Variants in SLC39A14 observed in about 807,000 individuals in gnomAD.
SLC39A14 encodes solute carrier family 39 member 14.
Under a neutral mutation model 45.5 loss-of-function variants are expected in SLC39A14, and 19 were observed. The observed-to-expected ratio is 0.42, with a 90% CI of 0.29 to 0.61. The LOEUF (loss-of-function observed/expected upper bound fraction) is 0.61, where lower values mean the gene tolerates loss of function less well. SLC39A14 is among the 20% of genes least tolerant of loss of function. The pLI is 0.22. For synonymous variants in SLC39A14, 264 were observed against 251.3 expected, an observed-to-expected ratio of 1.05 and a Z score of -0.48; for missense variants, 447 against 616.5, an observed-to-expected ratio of 0.73 and a Z score of 2.91.
intron 2 of SLC39A14, among the ~76,000 whole-genome samples, chr8:22,407,517 C>T (rs1026493082): frequency 4.6e-5 from 7 of 151,812 alleles, no homozygotes; most frequent in East Asian, 1.9e-4. Flanking sequence ...TGAGCTACCA[C>T]GCCCGGCTAA....
At chr8:22,387,281 G>A (rs146769654) in intron 1 of SLC39A14, among the ~76,000 whole-genome samples, 3 of 152,020 alleles carry the variant, frequency 2.0e-5, no homozygotes, top group Non-Finnish European at 2.9e-5. Context: ...TTTTGGGTCC[G>A]CCCTGGTTTT....
Position 22,368,215 on chromosome 8 carries a change from G to A in SLC39A14, c.-16+807G>A, listed in dbSNP as rs546997438. Among the ~76,000 whole-genome samples the A allele has an allele frequency of 2.9e-3, 449 of 152,248 alleles. 9 individuals are homozygous for A. Among genetic ancestry groups the A allele is most frequent in the Non-Finnish European group, 6.8e-4 (46 of 68,020 alleles). On this transcript the variant is annotated intron_variant, in intron 1 of 8. Coordinates refer to ENST00000381237, the MANE Select transcript of SLC39A14 (RefSeq NM_001128431.4). ...GTGGCTAAGTGCTCTCTTGTGGCCCGAATGGAAGCGTGGGGTTAGGAGCAG... is the reference window on the plus strand; with the variant it reads ...GTGGCTAAGTGCTCTCTTGTGGCCCAAATGGAAGCGTGGGGTTAGGAGCAG...
rs1388381950 is a variant in SLC39A14, at chr8:22,409,742, T to C, written c.457+1246T>C. On this transcript the variant is annotated intron_variant, in intron 3 of 8. Coordinates refer to ENST00000381237, the MANE Select transcript of SLC39A14 (RefSeq NM_001128431.4). ...CATCCGTCTCTCCATGGAAAAGGTG[T>C]TTCTCTTGGATAGCAATTTTGATAG... is the stretch of plus-strand genomic sequence containing the variant. 5.9e-5 allele frequency among the ~76,000 whole-genome samples: 9 copies of C among 152,184 alleles called. 1 individual carries two copies. Among genetic ancestry groups the C allele is most frequent in the Non-Finnish European group, 8.8e-5 (6 of 68,040 alleles).
At chr8:22,385,680 A>G (rs1833755016) in intron 1 of SLC39A14, among the ~76,000 whole-genome samples, 1 of 152,194 alleles carries the variant, frequency 6.6e-6, no homozygotes, top group Admixed American at 6.5e-5. Flanking sequence ...AGTGGTCTAT[A>G]GACCAGGAAG....
At chr8:22,393,355 G>A (rs1302715934) in intron 1 of SLC39A14, 2 of 496,180 alleles carry the variant, frequency 4.0e-6, no homozygotes, top group African/African-American at 4.2e-5. Context: ...GTTTGCCTGA[G>A]TGAAGGTGTC....
At chr8:22,384,296 T>G (rs1436073673) in intron 1 of SLC39A14, among the ~76,000 whole-genome samples, 1 of 152,134 alleles carries the variant, frequency 6.6e-6, no homozygotes, top group Non-Finnish European at 1.5e-5. Flanking sequence ...TTTCTTCCTC[T>G]GCCACAGGGA....
In SLC39A14 at chr8:22,421,321, C is replaced by T. The variant is rs1452535680; in HGVS notation, c.*1623C>T. ...TTTGTTTTCTCTTCTTGGGAGACAT[C>T]TGTCAAACCAGGAATATTCTTGAAA... On this transcript the variant is annotated 3_prime_UTR_variant, in exon 9 of 9. Coordinates refer to ENST00000381237, the MANE Select transcript of SLC39A14 (RefSeq NM_001128431.4). The T allele has an allele frequency of 1.0e-6, 1 of 985,758 alleles. No individual in the cohort carries two copies. The highest frequency in any genetic ancestry group is 1.1e-4 in the East Asian group (1 of 8,834). 61.1% of individuals were successfully genotyped at this position (985,758 alleles called of 1,614,324 possible).
chr8:22,373,743 G>T (rs374837558), intron 1 of SLC39A14, among the ~76,000 whole-genome samples: 1 of 151,254 alleles, frequency 6.6e-6, no homozygotes, highest in East Asian at 1.9e-4. Context: ...TATTCTTCAG[G>T]GTTTTTTGTT....
At chr8:22,372,189 C>T (rs1832975314) in intron 1 of SLC39A14, among the ~76,000 whole-genome samples, 1 of 151,964 alleles carries the variant, frequency 6.6e-6, no homozygotes, top group Non-Finnish European at 1.5e-5. Context: ...AAATGTATTA[C>T]CTGTAATTTC....
At chr8:22,395,685 C>T (rs917108088) in intron 1 of SLC39A14, among the ~76,000 whole-genome samples, 1 of 152,122 alleles carries the variant, frequency 6.6e-6, no homozygotes, top group African/African-American at 2.4e-5. Context: ...ATAATCTCAT[C>T]TTTGAGCTCT....
intron 1 of SLC39A14, among the ~76,000 whole-genome samples, chr8:22,402,405 A>G (rs1418595955): frequency 6.6e-6 from 1 of 151,388 alleles, no homozygotes; most frequent in Non-Finnish European, 1.5e-5. Context: ...AAAAAGAAAG[A>G]GTCCCATTAT....
intron 1 of SLC39A14, among the ~76,000 whole-genome samples, chr8:22,384,081 C>T (rs998129952): frequency 6.6e-6 from 1 of 152,156 alleles, no homozygotes; most frequent in Non-Finnish European, 1.5e-5. Flanking sequence ...ACGGCAGAAG[C>T]CTTGGCCGTG....
At chr8:22,380,319 A>G (rs1418250063) in intron 1 of SLC39A14, among the ~76,000 whole-genome samples, 2 of 152,182 alleles carry the variant, frequency 1.3e-5, no homozygotes, top group Non-Finnish European at 2.9e-5. Flanking sequence ...GCAAAGAGGG[A>G]AAACTGAGGT....
chr8:22,400,662 AG>A (rs1834804334), intron 1 of SLC39A14, among the ~76,000 whole-genome samples: 2 of 152,220 alleles, frequency 1.3e-5, no homozygotes, highest in Non-Finnish European at 2.9e-5. Flanking sequence ...TGGACTCAAA[AG>A]TATATATTCC....
rs1832724416 is a variant in SLC39A14 at position 22,367,909 on chromosome 8, G to A, written c.-16+501G>A. Among the ~76,000 whole-genome samples the A allele has an allele frequency of 6.6e-6, 1 of 152,166 alleles. No homozygotes were observed. Among genetic ancestry groups the A allele is most frequent in the African/African-American group, 2.4e-5 (1 of 41,454 alleles). On this transcript the variant is annotated intron_variant, in intron 1 of 8. Coordinates refer to ENST00000381237, the MANE Select transcript of SLC39A14 (RefSeq NM_001128431.4). The surrounding 1 kb of genome is among the most constrained non-coding windows in gnomAD (Gnocchi z 4.2). ...AATCTCCAACCTGGCTTGCCCACGA[G>A]GATGGCTTTCTGGCTATTTTTGGTC... is the stretch of plus-strand genomic sequence containing the variant.
rs144705610 is a variant in SLC39A14 at position 22,410,885 on chromosome 8, C to T, written c.458-1152C>T. Among the ~76,000 whole-genome samples the T allele has an allele frequency of 1.7e-3, 252 of 152,296 alleles. 1 individual carries two copies. The highest frequency in any genetic ancestry group is 5.8e-3 in the African/African-American group (239 of 41,564). Reference sequence around the variant, plus strand: ...GCTGTGGAGGGTGAGGATACGCAGACGTGTGGTTGACCCCATTAGGGAGTC... The same window carrying T: ...GCTGTGGAGGGTGAGGATACGCAGATGTGTGGTTGACCCCATTAGGGAGTC... On this transcript the variant is annotated intron_variant, in intron 3 of 8. Coordinates refer to ENST00000381237, the MANE Select transcript of SLC39A14 (RefSeq NM_001128431.4).
chr8:22,424,840 A>G (rs200063385), downstream of SLC39A14, among the ~76,000 whole-genome samples: 2 of 152,232 alleles, frequency 1.3e-5, no homozygotes, highest in East Asian at 3.9e-4. Flanking sequence ...CAGCCTGGCC[A>G]ACATGGTGTG....
intron 1 of SLC39A14, among the ~76,000 whole-genome samples, chr8:22,393,995 C>G (rs1834226745): frequency 6.8e-6 from 1 of 147,560 alleles, no homozygotes; most frequent in Non-Finnish European, 1.5e-5. Context: ...TTTATTATTT[C>G]TTATCTGAAG....
Position 22,421,192 on chromosome 8 carries a change from AT to A in SLC39A14, c.*1496del. 3 of 985,818 alleles carry A rather than the reference AT, an allele frequency of 3.0e-6. No homozygotes were observed. Among genetic ancestry groups the A allele is most frequent in the Non-Finnish European group, 3.6e-6 (3 of 829,950 alleles). 61.1% of individuals were successfully genotyped at this position (985,818 alleles called of 1,614,324 possible). ...GCCCAGGGGCCATGTTTGCAAACTG[AT>A]TCATGTGCATGGCTGACAGGAGTAC... On this transcript the variant is annotated 3_prime_UTR_variant, in exon 9 of 9. Coordinates refer to ENST00000381237, the MANE Select transcript of SLC39A14 (RefSeq NM_001128431.4).
Sources: allele counts gnomAD v4.1 joint callset (sites outside exome capture counted in the v4.1 genomes callset), GRCh38; gene constraint gnomAD v4.1.1; non-coding constraint Gnocchi (gnomAD v3.1); transcripts MANE v1.5; gene names NCBI Gene and HGNC (gene_info 2026-07-23, HGNC 2026-07-21).